Variants in PRH1 observed in about 807,000 individuals in gnomAD.
PRH1 encodes the protein salivary acidic proline-rich phosphoprotein 1/2.
A neutral mutation model predicts 7.9 loss-of-function variants in PRH1; 7 were observed. That is an observed-to-expected ratio of 0.89 (90% CI 0.50 to 1.67). The LOEUF is 1.67. Among genes scored for constraint, PRH1 ranks in the 40% most tolerant of loss-of-function variants. The pLI, the probability that PRH1 is intolerant of heterozygous loss-of-function variation, is 0.00. For synonymous variants in PRH1, 45 were observed against 80.8 expected (o/e 0.56, Z 2.38); for missense variants, 109 against 223.6 (o/e 0.49, Z 3.27).
intron 1 of PRH1, among the ~76,000 whole-genome samples, chr12:11,042,685 A>G (rs1258785299): frequency 7.7e-6 from 1 of 129,926 alleles, no homozygotes; most frequent in Non-Finnish European, 1.5e-5. Context: ...GCTGGAGTTC[A>G]GTGGCATGCT....
At chr12:10,896,024 G>A (rs1949639804) in intron 2 of PRH1, 1 of 152,162 alleles carries the variant, frequency 6.6e-6, no homozygotes, top group Admixed American at 6.5e-5. Flanking sequence ...GATCCAAGGT[G>A]TGTTCTAAAA....
intron 2 of PRH1, among the ~76,000 whole-genome samples, chr12:10,954,671 T>C (rs1395766239): frequency 1.3e-5 from 2 of 152,044 alleles, no homozygotes; most frequent in Non-Finnish European, 2.9e-5. Flanking sequence ...GAGACAGGAT[T>C]TTGCCATGTT....
intron 2 of PRH1, among the ~76,000 whole-genome samples, chr12:10,903,509 G>T (rs563937896): frequency 1.3e-5 from 2 of 151,840 alleles, no homozygotes; most frequent in South Asian, 2.1e-4. Context: ...AAATAATTAG[G>T]CATTGAAGGA....
intron 1 of PRH1, among the ~76,000 whole-genome samples, chr12:11,137,849 GATA>G (rs1946599270): frequency 2.0e-5 from 3 of 152,216 alleles, no homozygotes; most frequent in Admixed American, 1.3e-4. Context: ...TATAGATAAT[GATA>G]ATGATGATGG....
chr12:11,057,061 C>T (rs1375954387), intron 1 of PRH1, among the ~76,000 whole-genome samples: 1 of 151,564 alleles, frequency 6.6e-6, no homozygotes, highest in African/African-American at 2.4e-5. Flanking sequence ...AGCTGGAGTA[C>T]AGTGGCAGGA....
chr12:11,152,686 T>G (rs1238453684), intron 1 of PRH1, among the ~76,000 whole-genome samples: 1 of 152,228 alleles, frequency 6.6e-6, no homozygotes, highest in African/African-American at 2.4e-5. Context: ...TGCATGTAAC[T>G]TTGCTGTGCT....
intron 1 of PRH1, among the ~76,000 whole-genome samples, chr12:11,067,223 C>A (rs1313098540): frequency 2.0e-5 from 3 of 152,068 alleles, no homozygotes. Context: ...AATGCAGAAT[C>A]AAAAAATTTA....
chr12:10,884,136 T>C lies in PRH1; in HGVS notation c.64+18A>G. 1 of 1,614,012 alleles carries C rather than the reference T, an allele frequency of 6.2e-7. No individual in the cohort carries two copies. Among genetic ancestry groups the C allele is most frequent in the Non-Finnish European group, 8.5e-7 (1 of 1,179,962 alleles). On this transcript the variant is annotated intron_variant, in intron 1 of 3. Transcript: ENST00000543626. ...AACCCCAATCAGAGTCACAATATCT[T>C]CCCCCAATTCATCTTACCTTCATTT...
intron 1 of PRH1, among the ~76,000 whole-genome samples, chr12:11,148,583 T>C (rs1270595279): frequency 2.7e-5 from 4 of 145,468 alleles, no homozygotes; most frequent in African/African-American, 5.0e-5. Context: ...ATATGCTGGA[T>C]TACATTTATT....
At chr12:11,004,082 TCAGA>T (rs1415425277) in intron 1 of PRH1, among the ~76,000 whole-genome samples, 3 of 152,120 alleles carry the variant, frequency 2.0e-5, no homozygotes, top group South Asian at 2.1e-4. Context: ...AATGTCACAC[TCAGA>T]CAAAGTAATT....
At chr12:11,070,988 T>TAA (rs1555156427) in intron 1 of PRH1, among the ~76,000 whole-genome samples, 6 of 146,098 alleles carry the variant, frequency 4.1e-5, no homozygotes, top group East Asian at 3.9e-4. Context: ...TTATGATTTT[T>TAA]ATTATTATTT....
intron 1 of PRH1, among the ~76,000 whole-genome samples, chr12:11,013,939 G>C (rs529001470): frequency 6.6e-6 from 1 of 152,296 alleles, no homozygotes; most frequent in East Asian, 1.9e-4. Context: ...ATGTTTCCCA[G>C]GTTGGTCTCC....
At chr12:11,069,079 A>G (rs369150834) in intron 1 of PRH1, among the ~76,000 whole-genome samples, 54,634 of 111,658 alleles carry the variant, frequency 0.49, 11,899 homozygotes, top group Non-Finnish European at 0.58. Context: ...CACCTCACCT[A>G]GCTAATTGTC....
intron 1 of PRH1, among the ~76,000 whole-genome samples, chr12:11,041,685 C>T (rs1168054668): frequency 1.3e-5 from 2 of 152,180 alleles, no homozygotes; most frequent in African/African-American, 4.8e-5. Context: ...ACATTCTTTT[C>T]CTCAGCACAT....
chr12:11,127,286 A>G (rs1260108923), intron 1 of PRH1, among the ~76,000 whole-genome samples: 1 of 152,272 alleles, frequency 6.6e-6, no homozygotes, highest in East Asian at 1.9e-4. Context: ...TCATACACTT[A>G]ATCATCATTT....
chr12:11,101,203 TTTGGGCC>T (rs1945236306), intron 1 of PRH1, among the ~76,000 whole-genome samples: 1 of 152,166 alleles, frequency 6.6e-6, no homozygotes, highest in African/African-American at 2.4e-5. Flanking sequence ...TAAGTAATGT[TTTGGGCC>T]AGGTGTGGTG....
intron 1 of PRH1, among the ~76,000 whole-genome samples, chr12:11,139,192 CTTT>C (rs1043365395): frequency 1.1e-4 from 17 of 152,042 alleles, no homozygotes; most frequent in African/African-American, 4.1e-4. Context: ...TATGTTTTTG[CTTT>C]TTTAACATTT....
intron 1 of PRH1, chr12:10,985,801 T>G: frequency 1.3e-6 from 1 of 781,658 alleles, no homozygotes; most frequent in South Asian, 2.2e-5. Flanking sequence ...GTAAAAGACT[T>G]TTCTAGGTAT....
chr12:10,916,924 A>T (rs756378834), intron 2 of PRH1, among the ~76,000 whole-genome samples: 108 of 150,618 alleles, frequency 7.2e-4, no homozygotes, highest in Admixed American at 1.3e-3. Flanking sequence ...TAAAATAAAA[A>T]AAATAGCTGG....
Sources: allele counts gnomAD v4.1 joint callset (sites outside exome capture counted in the v4.1 genomes callset), GRCh38; gene constraint gnomAD v4.1.1; transcripts MANE v1.5; gene names NCBI Gene and HGNC (gene_info 2026-07-23, HGNC 2026-07-21).